The following ADK variants were observed in gnomAD, a reference collection of about 807,000 sequenced individuals.
ADK encodes adenosine kinase, also known as N6,N6-dimethyladenosine kinase.
In ADK, 24 loss-of-function variants were observed where a neutral mutation model predicts 44.7. The ratio of observed to expected loss-of-function variants is 0.54; its 90% CI spans 0.39 to 0.76. The LOEUF (loss-of-function observed/expected upper bound fraction) is 0.76, where lower values mean the gene tolerates loss of function less well. Among genes scored for constraint, ADK ranks in the 30% least tolerant of loss-of-function variants. The probability of loss-of-function intolerance (pLI) is 0.00; values close to 1 mark genes in which losing one functional copy is unlikely to be tolerated. For missense variants in ADK, 321 were observed against 425.1 expected, an observed-to-expected ratio of 0.76 and a Z score of 2.15; for synonymous variants, 128 against 142.6, an observed-to-expected ratio of 0.90 and a Z score of 0.73.
intron 9 of ADK, among the ~76,000 whole-genome samples, chr10:74,640,121 G>A (rs1853787720): frequency 6.6e-6 from 1 of 152,180 alleles, no homozygotes. Context: ...TTTGAACAAA[G>A]CCTCTTCACT....
At chr10:74,627,261 A>G (rs1452707081) in intron 9 of ADK, among the ~76,000 whole-genome samples, 2 of 152,112 alleles carry the variant, frequency 1.3e-5, no homozygotes, top group Non-Finnish European at 2.9e-5. Context: ...GGATCCCTTG[A>G]GCTCAGGAGT....
At chr10:74,675,574 A>C (rs1029211765) in intron 10 of ADK, among the ~76,000 whole-genome samples, 1 of 152,198 alleles carries the variant, frequency 6.6e-6, no homozygotes, top group Non-Finnish European at 1.5e-5. Flanking sequence ...ACAATTCTAT[A>C]ATCTCTAAGT....
intron 5 of ADK, among the ~76,000 whole-genome samples, chr10:74,394,765 G>T (rs866411991): frequency 6.6e-6 from 1 of 152,122 alleles, no homozygotes; most frequent in Non-Finnish European, 1.5e-5. Flanking sequence ...ATTCAGGCTC[G>T]TAAGACTTAG....
intron 10 of ADK, 24 bp from the exon 11 acceptor site, chr10:74,708,297 T>C (rs778910523): frequency 6.2e-7 from 1 of 1,605,968 alleles, no homozygotes; most frequent in Non-Finnish European, 8.5e-7. Flanking sequence ...AATACTCATG[T>C]GTTTTTTTTT....
At chr10:74,436,659 A>G (rs1845188740) in intron 6 of ADK, among the ~76,000 whole-genome samples, 1 of 152,192 alleles carries the variant, frequency 6.6e-6, no homozygotes, top group Admixed American at 6.5e-5. Context: ...AATTGGTGAA[A>G]AGATAGCCTT....
chr10:74,193,655 A>G (rs1015698558), intron 1 of ADK, among the ~76,000 whole-genome samples: 2 of 151,992 alleles, frequency 1.3e-5, no homozygotes, highest in Non-Finnish European at 2.9e-5. Flanking sequence ...TATGGTGGCT[A>G]TAGTCCCAAC....
intron 10 of ADK, among the ~76,000 whole-genome samples, chr10:74,707,698 G>T (rs746775191): frequency 6.7e-6 from 1 of 148,174 alleles, no homozygotes; most frequent in Non-Finnish European, 1.5e-5. Flanking sequence ...GGGAGGCAGA[G>T]ATTGCAGTGG....
intron 6 of ADK, among the ~76,000 whole-genome samples, chr10:74,476,068 G>A (rs900986209): frequency 6.6e-6 from 1 of 152,068 alleles, no homozygotes; most frequent in Non-Finnish European, 1.5e-5. Context: ...CTCTAATTCA[G>A]TACCACAGAG....
At chr10:74,404,274 G>A (rs536024031) in intron 6 of ADK, among the ~76,000 whole-genome samples, 89 of 150,816 alleles carry the variant, frequency 5.9e-4, no homozygotes, top group Non-Finnish European at 8.1e-4. Context: ...TCGTAACCTT[G>A]CTGCTATTTT....
intron 4 of ADK, among the ~76,000 whole-genome samples, chr10:74,356,008 T>TTTC (rs1842129751): frequency 1.7e-5 from 1 of 59,628 alleles, no homozygotes; most frequent in African/African-American, 4.0e-5. Flanking sequence ...ATTCATTTTT[T>TTTC]TTTTTTTTTT....
Position 74,396,608 on chromosome 10 carries a change from A to G in ADK, c.447-1863A>G, listed in dbSNP as rs567957424. Among the ~76,000 whole-genome samples the G allele has an allele frequency of 3.9e-5, 6 of 152,330 alleles. No homozygotes were observed. In the South Asian group the frequency reaches 8.3e-4, roughly 21 times the overall value. ...GGTAATGCAGTATCTTTCTTGATCC[A>G]GGTTCTTCCTCTTCAAAGTCAGAAT... is the stretch of plus-strand genomic sequence containing the variant. On this transcript the variant is annotated intron_variant, in intron 5 of 10. Transcript: ENST00000539909.
chr10:74,624,605 AG>A (rs1202477782), intron 9 of ADK, among the ~76,000 whole-genome samples: 1 of 152,116 alleles, frequency 6.6e-6, no homozygotes, highest in Non-Finnish European at 1.5e-5. Context: ...TACATGGTTT[AG>A]TATGCAAAAA....
intron 3 of ADK, among the ~76,000 whole-genome samples, chr10:74,232,836 G>T (rs1416973614): frequency 6.6e-6 from 1 of 152,074 alleles, no homozygotes; most frequent in African/African-American, 2.4e-5. Flanking sequence ...GTGTTGGTGA[G>T]GCTAGTCTCG....
intron 4 of ADK, among the ~76,000 whole-genome samples, chr10:74,335,814 G>C (rs924110397): frequency 6.6e-6 from 1 of 152,016 alleles, no homozygotes; most frequent in Non-Finnish European, 1.5e-5. Flanking sequence ...TTTGCTATCT[G>C]TATATGTTCT....
intron 3 of ADK, among the ~76,000 whole-genome samples, chr10:74,290,182 T>G (rs1847356379): frequency 6.6e-6 from 1 of 152,036 alleles, no homozygotes; most frequent in South Asian, 2.1e-4. Flanking sequence ...GTTTTTTTCC[T>G]TCGGTTCGTT....
chr10:74,708,210 T>A, intron 10 of ADK, 111 bp from the exon 11 acceptor site: 1 of 1,217,818 alleles, frequency 8.2e-7, no homozygotes, highest in South Asian at 1.2e-5. Flanking sequence ...TCTCTTACTG[T>A]CAAGGCTGAA....
At chr10:74,652,954 C>T (rs548367431) in intron 9 of ADK, among the ~76,000 whole-genome samples, 5 of 152,148 alleles carry the variant, frequency 3.3e-5, no homozygotes, top group African/African-American at 1.2e-4. Context: ...GAGAAATGTA[C>T]GATCAATTCA....
rs559166857 is a variant in ADK at position 74,215,902 on chromosome 10, C to T, written c.141-8636C>T. ...CGATCTCCTGACCTTGTGATCCGCC[C>T]GTCTCGGCCTCCCAAAGTGCTGGGA... On this transcript the variant is annotated intron_variant, in intron 2 of 10. Transcript: ENST00000539909. 1.6e-3 allele frequency among the ~76,000 whole-genome samples: 245 copies of T among 148,512 alleles called. 2 individuals are homozygous for T. The highest frequency in any genetic ancestry group is 8.1e-3 in the Middle Eastern group (2 of 248).
At chr10:74,398,926 A>T (rs1292235346) in intron 6 of ADK, among the ~76,000 whole-genome samples, 1 of 152,072 alleles carries the variant, frequency 6.6e-6, no homozygotes, top group Non-Finnish European at 1.5e-5. Context: ...TGCATTGTGC[A>T]GAAAAATATT....
Sources: allele counts gnomAD v4.1 joint callset (sites outside exome capture counted in the v4.1 genomes callset), GRCh38; gene constraint gnomAD v4.1.1; transcripts MANE v1.5; gene names NCBI Gene and HGNC (gene_info 2026-07-23, HGNC 2026-07-21).